The following STXBP6 variants were observed in gnomAD, a reference collection of about 807,000 sequenced individuals.
STXBP6 encodes syntaxin binding protein 6.
A neutral mutation model predicts 26.9 loss-of-function variants in STXBP6; 21 were observed. The ratio of observed to expected loss-of-function variants is 0.78; its 90% CI spans 0.55 to 1.12. STXBP6 has a LOEUF of 1.12. STXBP6 is among the 50% of genes most tolerant of loss of function. The pLI is 0.00. For missense variants in STXBP6, 232 were observed against 257.9 expected (o/e 0.90, Z 0.69); for synonymous variants, 97 against 92.6 (o/e 1.05, Z -0.27).
intron 1 of STXBP6, among the ~76,000 whole-genome samples, chr14:25,008,337 C>T (rs1474154581): frequency 6.6e-6 from 1 of 152,066 alleles, no homozygotes; most frequent in African/African-American, 2.4e-5. Flanking sequence ...GACTCCAACT[C>T]TACAAAAAAT....
intron 1 of STXBP6, among the ~76,000 whole-genome samples, chr14:25,006,231 T>A (rs2074895735): frequency 6.6e-6 from 1 of 152,176 alleles, no homozygotes; most frequent in Admixed American, 6.5e-5. Flanking sequence ...TTTGCTGGAA[T>A]TCAGGCACGT....
intron 2 of STXBP6, among the ~76,000 whole-genome samples, chr14:24,925,696 C>T (rs1343205361): frequency 1.3e-5 from 2 of 152,132 alleles, no homozygotes; most frequent in Admixed American, 1.3e-4. Flanking sequence ...CCTATAAAGG[C>T]CAACCAAAAC....
chr14:24,971,313 T>G (rs2073899943), intron 2 of STXBP6, among the ~76,000 whole-genome samples: 1 of 152,222 alleles, frequency 6.6e-6, no homozygotes, highest in East Asian at 1.9e-4. Context: ...TTGGCAAGCT[T>G]TTAAAGTAGT....
At chr14:24,946,119 C>G (rs1296285192) in intron 2 of STXBP6, among the ~76,000 whole-genome samples, 1 of 152,142 alleles carries the variant, frequency 6.6e-6, no homozygotes, top group Non-Finnish European at 1.5e-5. Flanking sequence ...TTCAACAAGT[C>G]TTTGAGTCTA....
In STXBP6 at chr14:24,930,384, C is replaced by G. The variant is rs373857280; in HGVS notation, c.154+44281G>C. 2.0e-5 allele frequency among the ~76,000 whole-genome samples: 3 copies of G among 152,336 alleles called. No homozygotes were observed. In the East Asian group the frequency reaches 5.8e-4, roughly 29 times the overall value. ...ACCACACATTTTTGTGATTGTGGCA[C>G]TGTGCTAATTATAACAGATTTTATG... On this transcript the variant is annotated intron_variant, in intron 2 of 5. Transcript: ENST00000323944.
chr14:24,928,214 T>C (rs1379957287), intron 2 of STXBP6, among the ~76,000 whole-genome samples: 1 of 152,136 alleles, frequency 6.6e-6, no homozygotes, highest in Non-Finnish European at 1.5e-5. Flanking sequence ...TTGAAAACTA[T>C]GTACACTTAT....
In STXBP6 at chr14:25,050,024, G is replaced by A; in HGVS notation, c.-179C>T. The A allele has an allele frequency of 3.2e-6, 1 of 316,336 alleles. No homozygotes were observed. The highest frequency in any genetic ancestry group is 4.6e-6 in the Non-Finnish European group (1 of 218,606). 19.6% of individuals were successfully genotyped at this position (316,336 alleles called of 1,614,324 possible). On this transcript the variant is annotated 5_prime_UTR_variant, in exon 1 of 6. Coordinates refer to ENST00000323944, the MANE Select transcript of STXBP6 (RefSeq NM_001394410.1). ...CGGGTGCTGGCTCGCCGCCGCTCGC[G>A]GCTCCCGCGCCGGCTCCTGCTGCCG...
intron 2 of STXBP6, among the ~76,000 whole-genome samples, chr14:24,931,026 G>C (rs2072370470): frequency 7.0e-6 from 1 of 142,248 alleles, no homozygotes; most frequent in Admixed American, 7.0e-5. Context: ...CAGGAGAATG[G>C]CGTGAACCCG....
rs533414759 is a variant in STXBP6, at chr14:25,015,216, G to T, written c.-33+34662C>A. ...TTTCTCTACAAAATAAAAGAGAACT[G>T]CTTTAAAAAAAAATCACATTTGAAC... On this transcript the variant is annotated intron_variant, in intron 1 of 5. Coordinates refer to ENST00000323944, the MANE Select transcript of STXBP6 (RefSeq NM_001394410.1). Among the ~76,000 whole-genome samples, 3 of 152,158 alleles carry T rather than the reference G, an allele frequency of 2.0e-5. No individual in the cohort carries two copies. The South Asian group carries it at 6.2e-4, about 32-fold the overall frequency.
At chr14:24,980,012 G>A (rs537247512) in intron 1 of STXBP6, among the ~76,000 whole-genome samples, 24 of 152,116 alleles carry the variant, frequency 1.6e-4, no homozygotes, top group African/African-American at 5.8e-4. Context: ...ATCTTAACAA[G>A]GAAAAAGACA....
chr14:24,931,775 G>A (rs1318604838), intron 2 of STXBP6, among the ~76,000 whole-genome samples: 4 of 152,300 alleles, frequency 2.6e-5, no homozygotes, highest in South Asian at 2.1e-4. Flanking sequence ...AAGGGAGAAG[G>A]AGCGGCTACT....
At chr14:24,814,345 A>G (rs1417427322) in intron 5 of STXBP6, among the ~76,000 whole-genome samples, 1 of 152,234 alleles carries the variant, frequency 6.6e-6, no homozygotes, top group Non-Finnish European at 1.5e-5. Context: ...TCTAGTTTTT[A>G]TACATTATTC....
In STXBP6 at chr14:24,912,441, CAAAAAAAA is replaced by C. The variant is rs373713561; in HGVS notation, c.155-55292_155-55285del. On this transcript the variant is annotated intron_variant, in intron 2 of 5. Coordinates refer to ENST00000323944, the MANE Select transcript of STXBP6 (RefSeq NM_001394410.1). ...GGTAAGGTTTATAGAAAGTGAATGC[CAAAAAAAA>C]AAAAAAAAAAGTGAAATGCAGCAAC... Among the ~76,000 whole-genome samples the C allele has an allele frequency of 4.0e-5, 4 of 101,068 alleles. No individual in the cohort carries two copies. In the East Asian group the frequency reaches 7.8e-4, roughly 20 times the overall value. 66.3% of individuals were successfully genotyped at this position (101,068 alleles called of 152,430 possible). A position where few individuals can be genotyped will look rare whatever the true frequency, so the allele number is the denominator to read the frequency against.
intron 1 of STXBP6, among the ~76,000 whole-genome samples, chr14:25,048,345 G>A (rs1413652992): frequency 1.3e-5 from 2 of 152,210 alleles, no homozygotes; most frequent in Non-Finnish European, 2.9e-5. Flanking sequence ...TGACAGAAGA[G>A]AAAACTTAAG....
At chr14:25,006,350 T>C (rs147415512) in intron 1 of STXBP6, among the ~76,000 whole-genome samples, 1 of 152,342 alleles carries the variant, frequency 6.6e-6, no homozygotes, top group Non-Finnish European at 1.5e-5. Flanking sequence ...CATGGTATTT[T>C]ACAGCTCTTC....
chr14:24,997,723 A>G (rs1438871398), intron 1 of STXBP6, among the ~76,000 whole-genome samples: 1 of 152,230 alleles, frequency 6.6e-6, no homozygotes, highest in Non-Finnish European at 1.5e-5. Context: ...TCCACCCTTC[A>G]GAGATAACTA....
chr14:24,892,935 CT>C (rs2139553624), intron 2 of STXBP6, among the ~76,000 whole-genome samples: 1 of 152,306 alleles, frequency 6.6e-6, no homozygotes, highest in East Asian at 1.9e-4. Context: ...CAGAATGAGC[CT>C]CATTTTCCAC....
chr14:24,856,975 G>C, intron 3 of STXBP6, 52 bp downstream of exon 3: 1 of 1,591,904 alleles, frequency 6.3e-7, no homozygotes, highest in Non-Finnish European at 8.6e-7. Flanking sequence ...GTCAATCAGA[G>C]AGTCATCTTG....
At chr14:25,031,315 G>A (rs1952492) in intron 1 of STXBP6, among the ~76,000 whole-genome samples, 59,341 of 151,960 alleles carry the variant, frequency 0.39, 13,911 homozygotes, top group African/African-American at 0.66. Context: ...CTGGAGAATC[G>A]AGAGATTGGA....
Sources: gnomAD v4.1 joint callset for allele counts (sites outside exome capture counted in the v4.1 genomes callset) on GRCh38, gnomAD v4.1.1 for gene constraint, MANE v1.5 for transcripts, NCBI Gene and HGNC (gene_info 2026-07-23, HGNC 2026-07-21) for gene names.